The following MIPOL1 variants were observed in gnomAD, a reference collection of about 807,000 sequenced individuals.
The protein encoded by MIPOL1 is mirror-image polydactyly 1.
A neutral mutation model predicts 60.9 loss-of-function variants in MIPOL1; 57 were observed. That is an observed-to-expected ratio of 0.94 (90% CI 0.76 to 1.17). MIPOL1 has a LOEUF of 1.17. Among genes scored for constraint, MIPOL1 ranks in the 50% most tolerant of loss-of-function variants. MIPOL1 has a pLI of 0.00. For missense variants in MIPOL1, 551 were observed against 511.6 expected (o/e 1.08, Z -0.74); for synonymous variants, 179 against 168.8 (o/e 1.06, Z -0.47).
At chr14:37,244,212 C>T (rs780870492) in intron 1 of MIPOL1, among the ~76,000 whole-genome samples, 7 of 139,474 alleles carry the variant, frequency 5.0e-5, no homozygotes, top group South Asian at 2.3e-4. Flanking sequence ...CTCCGCCTCT[C>T]GGGTTCAAGC....
intron 11 of MIPOL1, among the ~76,000 whole-genome samples, chr14:37,442,045 G>C (rs1433444721): frequency 5.3e-5 from 8 of 151,176 alleles, no homozygotes; most frequent in Non-Finnish European, 1.2e-4. Context: ...TTTCATAGAT[G>C]ACCTTTTGTA....
chr14:37,247,991 A>T, intron 3 of MIPOL1, 84 bp downstream of exon 3: 1 of 1,424,906 alleles, frequency 7.0e-7, no homozygotes, highest in Non-Finnish European at 9.8e-7. Flanking sequence ...GTTCTAACCA[A>T]TATATTAGAC....
chr14:37,316,662 T>C (rs1336317102), intron 9 of MIPOL1, among the ~76,000 whole-genome samples: 1 of 149,128 alleles, frequency 6.7e-6, no homozygotes, highest in East Asian at 2.0e-4. Context: ...TTGATAAAAA[T>C]GAACCAGGAA....
chr14:37,297,169 A>G (rs1446105645), intron 7 of MIPOL1, among the ~76,000 whole-genome samples: 2 of 152,160 alleles, frequency 1.3e-5, no homozygotes, highest in African/African-American at 2.4e-5. Context: ...ATCAATAAAC[A>G]TAATCCAGCA....
chr14:37,406,075 G>A (rs2093582265), intron 10 of MIPOL1, among the ~76,000 whole-genome samples: 1 of 151,836 alleles, frequency 6.6e-6, no homozygotes, highest in Non-Finnish European at 1.5e-5. Flanking sequence ...TAAAATTTTA[G>A]AATAATTTTA....
At position 37,344,331 on chromosome 14, in the gene MIPOL1, A is replaced by T. The variant is rs183333819; in HGVS notation, c.829-25186A>T. Among the ~76,000 whole-genome samples, 942 of 152,134 alleles carry T rather than the reference A, an allele frequency of 6.2e-3. 3 individuals are homozygous for T. The highest frequency in any genetic ancestry group is 0.011 in the Non-Finnish European group (742 of 67,976). ...TTTATTTTTTAAATAAATTAAAAAT[A>T]AAATAAAGTCAGTTTTCTTTTCGAG... On this transcript the variant is annotated intron_variant, in intron 9 of 12. Transcript: ENST00000684589.
At chr14:37,273,284 A>T (rs938117355) in intron 6 of MIPOL1, among the ~76,000 whole-genome samples, 5 of 150,722 alleles carry the variant, frequency 3.3e-5, no homozygotes, top group African/African-American at 1.2e-4. Flanking sequence ...GAAACTATTG[A>T]TTTTTCAGTG....
intron 10 of MIPOL1, among the ~76,000 whole-genome samples, chr14:37,405,500 T>C (rs184516734): frequency 1.8e-3 from 274 of 152,270 alleles, no homozygotes; most frequent in Non-Finnish European, 3.2e-3. Context: ...GAAATCTTGC[T>C]TGGTTTATTT....
At chr14:37,430,615 C>T (rs1453218855) in intron 11 of MIPOL1, among the ~76,000 whole-genome samples, 1 of 151,850 alleles carries the variant, frequency 6.6e-6, no homozygotes, top group Non-Finnish European at 1.5e-5. Context: ...ATTTACTAAG[C>T]TACTTCTGAA....
At chr14:37,230,265 C>G (rs1448508689) in intron 1 of MIPOL1, among the ~76,000 whole-genome samples, 1 of 152,096 alleles carries the variant, frequency 6.6e-6, no homozygotes, top group Admixed American at 6.5e-5. Context: ...TCTAACAGGA[C>G]TAAAAATTTT....
chr14:37,431,815 G>C (rs780651131), intron 11 of MIPOL1, among the ~76,000 whole-genome samples: 1 of 150,946 alleles, frequency 6.6e-6, no homozygotes, highest in Non-Finnish European at 1.5e-5. Context: ...TCGGTCTCCT[G>C]ACCTCGTGAT....
chr14:37,254,544 A>C (rs755432561), intron 3 of MIPOL1, among the ~76,000 whole-genome samples: 1 of 151,596 alleles, frequency 6.6e-6, no homozygotes, highest in Non-Finnish European at 1.5e-5. Flanking sequence ...ATACATCCCT[A>C]CCCCCACAAA....
chr14:37,539,729 A>G (rs1217743136), intron 12 of MIPOL1, among the ~76,000 whole-genome samples: 1 of 152,216 alleles, frequency 6.6e-6, no homozygotes, highest in African/African-American at 2.4e-5. Context: ...TTTAAAGGGT[A>G]GGTGTATGCA....
intron 10 of MIPOL1, among the ~76,000 whole-genome samples, chr14:37,385,106 G>C (rs2093029751): frequency 6.6e-6 from 1 of 151,998 alleles, no homozygotes; most frequent in Non-Finnish European, 1.5e-5. Context: ...TACGATAGAA[G>C]AAATAATCTA....
At chr14:37,376,023 A>T (rs982835538) in intron 10 of MIPOL1, among the ~76,000 whole-genome samples, 2 of 152,164 alleles carry the variant, frequency 1.3e-5, no homozygotes, top group African/African-American at 4.8e-5. Context: ...CTTATTTTTT[A>T]AAATAAACTT....
chr14:37,258,646 A>G (rs896609943), intron 3 of MIPOL1, among the ~76,000 whole-genome samples: 1 of 152,142 alleles, frequency 6.6e-6, no homozygotes, highest in Non-Finnish European at 1.5e-5. Flanking sequence ...TATATAGCCT[A>G]AGCTGTAGGA....
At chr14:37,200,691 A>G (rs1014748817) in intron 1 of MIPOL1, among the ~76,000 whole-genome samples, 3 of 138,742 alleles carry the variant, frequency 2.2e-5, no homozygotes, top group African/African-American at 8.2e-5. Context: ...TTTTTTTAAC[A>G]CAGTCCTCTG....
At chr14:37,220,007 C>G (rs575027274) in intron 1 of MIPOL1, among the ~76,000 whole-genome samples, 5 of 151,558 alleles carry the variant, frequency 3.3e-5, no homozygotes, top group African/African-American at 1.2e-4. Context: ...CTCTATTATC[C>G]TAAATAAGAC....
chr14:37,498,890 T>C (rs759653118), intron 11 of MIPOL1, among the ~76,000 whole-genome samples: 10 of 152,134 alleles, frequency 6.6e-5, no homozygotes, highest in Non-Finnish European at 1.3e-4. Context: ...TTAAAGAAAG[T>C]ATCAGGCTAG....
Sources: gnomAD v4.1 joint callset for allele counts (sites outside exome capture counted in the v4.1 genomes callset) on GRCh38, gnomAD v4.1.1 for gene constraint, MANE v1.5 for transcripts, NCBI Gene and HGNC (gene_info 2026-07-23, HGNC 2026-07-21) for gene names.